TTC17: variants seen among roughly 807,000 people sequenced by gnomAD.
The protein encoded by TTC17 is tetratricopeptide repeat domain 17.
Under a neutral mutation model 143.8 loss-of-function variants are expected in TTC17, and 58 were observed. That is an observed-to-expected ratio of 0.40 (90% CI 0.33 to 0.50). The LOEUF is 0.50. Among genes scored for constraint, TTC17 ranks in the 20% least tolerant of loss-of-function variants. The pLI, the probability that TTC17 is intolerant of heterozygous loss-of-function variation, is 0.49. For synonymous variants in TTC17, 501 were observed against 497.8 expected (o/e 1.01, Z -0.09); for missense variants, 1,273 against 1,392.5 (o/e 0.91, Z 1.37).
chr11:43,430,704 T>TACACACACACACACACAC (rs1218079268), intron 16 of TTC17, among the ~76,000 whole-genome samples: 1 of 50,412 alleles, frequency 2.0e-5, no homozygotes, highest in African/African-American at 7.1e-5. Flanking sequence ...ATCCCCTACA[T>TACACACACACACACACAC]ACACGCACAC....
At chr11:43,452,671 T>G (rs1032356477) in intron 21 of TTC17, among the ~76,000 whole-genome samples, 21 of 152,074 alleles carry the variant, frequency 1.4e-4, no homozygotes, top group African/African-American at 5.1e-4. Context: ...GCACAGTGGC[T>G]CATGCCTGTA....
At position 43,397,346 on chromosome 11, in the gene TTC17, G is replaced by T; in HGVS notation, c.774-1G>T. The T allele has an allele frequency of 6.2e-7, 1 of 1,606,432 alleles. No individual in the cohort carries two copies. On this transcript the variant is annotated splice_acceptor_variant, in intron 6 of 23. Transcript: ENST00000039989. LOFTEE classifies it high-confidence loss of function. Reference sequence around the variant, plus strand: ...CATGGAATATGTGCTGCTTTCCTTAGGCACAATAAAGACATTGCCCTGGTC... The same window carrying T: ...CATGGAATATGTGCTGCTTTCCTTATGCACAATAAAGACATTGCCCTGGTC...
At chr11:43,390,911 G>A (rs774619515) in intron 3 of TTC17, among the ~76,000 whole-genome samples, 3 of 152,146 alleles carry the variant, frequency 2.0e-5, no homozygotes, top group Non-Finnish European at 4.4e-5. Context: ...CAATTGAGCA[G>A]TTGTATTAGT....
intron 16 of TTC17, among the ~76,000 whole-genome samples, chr11:43,419,884 G>C (rs557544756): frequency 7.2e-5 from 11 of 152,156 alleles, no homozygotes; most frequent in Non-Finnish European, 1.5e-4. Flanking sequence ...TATGCTACTA[G>C]TTAGGTCACC....
intron 1 of TTC17, chr11:43,359,385 G>A: frequency 2.3e-6 from 1 of 428,286 alleles, no homozygotes; most frequent in Non-Finnish European, 4.1e-6. Flanking sequence ...CCAGCTGCGG[G>A]AGACGGGCCC....
chr11:43,457,718 G>A (rs1947789962), intron 21 of TTC17, among the ~76,000 whole-genome samples: 1 of 152,062 alleles, frequency 6.6e-6, no homozygotes, highest in Non-Finnish European at 1.5e-5. Flanking sequence ...AGATTGAACA[G>A]AGCACAGCCC....
intron 1 of TTC17, among the ~76,000 whole-genome samples, chr11:43,372,583 C>A (rs939335996): frequency 6.6e-6 from 1 of 150,990 alleles, no homozygotes; most frequent in African/African-American, 2.4e-5. Context: ...CTCCACCTCC[C>A]GGATTCAAGC....
chr11:43,373,324 CTTTT>C (rs1358080544), intron 1 of TTC17, among the ~76,000 whole-genome samples: 2 of 134,802 alleles, frequency 1.5e-5, no homozygotes, highest in African/African-American at 2.7e-5. Flanking sequence ...TTAAAAGAAG[CTTTT>C]TTTTTTTTTT....
chr11:43,468,371 T>C (rs905188497), intron 21 of TTC17: 56 of 152,328 alleles, frequency 3.7e-4, no homozygotes, highest in African/African-American at 1.3e-3. Flanking sequence ...CAAATGATTT[T>C]CTCAAAGGGC....
At chr11:43,491,911 T>C in intron 22 of TTC17, 109 bp from the exon 23 acceptor site, 1 of 1,460,910 alleles carries the variant, frequency 6.8e-7, no homozygotes, top group Non-Finnish European at 9.4e-7. Flanking sequence ...GTGGCACTGT[T>C]CTAATCATTC....
intron 15 of TTC17, among the ~76,000 whole-genome samples, chr11:43,410,974 G>C (rs1858384824): frequency 6.6e-6 from 1 of 152,058 alleles, no homozygotes; most frequent in Non-Finnish European, 1.5e-5. Context: ...ATTTTTGTCT[G>C]GATTATTTTA....
chr11:43,359,943 G>GT (rs1257046015), intron 1 of TTC17, among the ~76,000 whole-genome samples: 1 of 152,218 alleles, frequency 6.6e-6, no homozygotes, highest in Non-Finnish European at 1.5e-5. Flanking sequence ...TGCCTAACGA[G>GT]TGCGTGTGTG....
At chr11:43,366,478 C>T (rs1202498929) in intron 1 of TTC17, among the ~76,000 whole-genome samples, 2 of 148,626 alleles carry the variant, frequency 1.3e-5, no homozygotes, top group Admixed American at 6.8e-5. Flanking sequence ...TGTACTCCAG[C>T]TTGCGTGACA....
intron 21 of TTC17, among the ~76,000 whole-genome samples, chr11:43,468,729 G>A (rs892752051): frequency 5.9e-5 from 9 of 152,052 alleles, no homozygotes; most frequent in Admixed American, 1.3e-4. Context: ...GAAGCCAGGA[G>A]TTCAAGACCA....
intron 21 of TTC17, among the ~76,000 whole-genome samples, chr11:43,484,325 G>A (rs1266466532): frequency 6.6e-6 from 1 of 152,154 alleles, no homozygotes; most frequent in African/African-American, 2.4e-5. Context: ...CTGTACAGCA[G>A]CACAAAATTT....
At chr11:43,458,890 TCTTA>T (rs1947812924) in intron 21 of TTC17, among the ~76,000 whole-genome samples, 1 of 152,192 alleles carries the variant, frequency 6.6e-6, no homozygotes, top group South Asian at 2.1e-4. Context: ...ATTATTAATC[TCTTA>T]CTGTGTCTAA....
chr11:43,423,608 A>G (rs1283799394), intron 16 of TTC17, among the ~76,000 whole-genome samples: 1 of 152,148 alleles, frequency 6.6e-6, no homozygotes, highest in Admixed American at 6.6e-5. Context: ...TTTAATTTTA[A>G]TATTTATGGT....
chr11:43,362,429 A>C (rs771617640), intron 1 of TTC17, among the ~76,000 whole-genome samples: 2 of 152,150 alleles, frequency 1.3e-5, no homozygotes, highest in Non-Finnish European at 2.9e-5. Context: ...CCCACCAGTT[A>C]CATACCGCAG....
chr11:43,485,080 A>C (rs1185655868), intron 21 of TTC17, among the ~76,000 whole-genome samples: 2 of 152,042 alleles, frequency 1.3e-5, no homozygotes, highest in African/African-American at 4.8e-5. Flanking sequence ...ATTATTTCAC[A>C]GTGTAATAAT....
Sources: gnomAD v4.1 joint callset for allele counts (sites outside exome capture counted in the v4.1 genomes callset) on GRCh38, gnomAD v4.1.1 for gene constraint, MANE v1.5 for transcripts, NCBI Gene and HGNC (gene_info 2026-07-23, HGNC 2026-07-21) for gene names.